The following UGT3A1 variants were observed in gnomAD, a reference collection of about 807,000 sequenced individuals.
The protein encoded by UGT3A1 is UDP glycosyltransferase family 3 member A1, also known as UDP-glycosyltransferase 3A1.
In UGT3A1, 40 loss-of-function variants were observed where a neutral mutation model predicts 37.6. The observed-to-expected ratio is 1.06, with a 90% CI of 0.83 to 1.38. The LOEUF is 1.38. UGT3A1 is among the 40% of genes most tolerant of loss of function. The pLI, the probability that UGT3A1 is intolerant of heterozygous loss-of-function variation, is 0.00. For synonymous variants in UGT3A1, 256 were observed against 232.3 expected, an observed-to-expected ratio of 1.10 and a Z score of -0.93; for missense variants, 642 against 634.2, an observed-to-expected ratio of 1.01 and a Z score of -0.13.
intron 2 of UGT3A1, among the ~76,000 whole-genome samples, chr5:35,970,073 G>A (rs781283529): frequency 6.6e-6 from 1 of 152,114 alleles, no homozygotes; most frequent in Non-Finnish European, 1.5e-5. Flanking sequence ...GAGAGCTTGT[G>A]CAGGGAAACT....
intron 3 of UGT3A1, among the ~76,000 whole-genome samples, chr5:35,966,803 C>G (rs1739825978): frequency 6.6e-6 from 1 of 152,084 alleles, no homozygotes; most frequent in Non-Finnish European, 1.5e-5. Context: ...ACCCAGACAC[C>G]ATCATATCAT....
At chr5:35,970,487 C>T (rs566263338) in intron 2 of UGT3A1, among the ~76,000 whole-genome samples, 1 of 151,986 alleles carries the variant, frequency 6.6e-6, no homozygotes, top group Non-Finnish European at 1.5e-5. Flanking sequence ...TACCTCCCAC[C>T]AGGTCCATCC....
At position 35,955,732 on chromosome 5, in the gene UGT3A1, G is replaced by T; in HGVS notation, c.1208C>A (p.Ala403Asp). ...DQHGNMVRVV[A>D]KNYGVSIRLN... ...CCGGATAGAGACACCATAATTTTTG[G>T]CTACTACTCGGACCATGTTTCCATG... The change falls in exon 6 of 7, where the codon GCC becomes GAC. Residue 403 changes from alanine to aspartate, a missense_variant. By Grantham distance (126) the Ala-to-Asp change is moderately radical (BLOSUM62 -2). Transcript: ENST00000274278. The T allele has an allele frequency of 6.2e-7, 1 of 1,614,114 alleles. No homozygotes were observed. The highest frequency in any genetic ancestry group is 8.5e-7 in the Non-Finnish European group (1 of 1,180,024).
intron 3 of UGT3A1, among the ~76,000 whole-genome samples, chr5:35,967,112 T>TG (rs1376209550): frequency 6.6e-6 from 1 of 152,164 alleles, no homozygotes; most frequent in Non-Finnish European, 1.5e-5. Context: ...AACATGTATC[T>TG]GGAACCTGTC....
rs530958378 is a variant in UGT3A1, at chr5:35,951,310, C to A, written c.*2892G>T. The A allele has an allele frequency of 8.5e-5, 13 of 152,148 alleles. No individual in the cohort carries two copies. The highest frequency in any genetic ancestry group is 1.9e-4 in the Non-Finnish European group (13 of 68,006). The allele number at this position is 152,148 out of a possible 1,614,324, so 9.4% of individuals were successfully genotyped here. On this transcript the variant is annotated 3_prime_UTR_variant, in exon 7 of 7. Coordinates refer to ENST00000274278, the MANE Select transcript of UGT3A1 (RefSeq NM_152404.4). ...CCACCCTCATAGATAATCTATCACA[C>A]TCTGGTTTATTCCCTCTGCACTGTT...
In UGT3A1 at chr5:35,955,789, G is replaced by A. The variant is rs1250226923; in HGVS notation, c.1151C>T (p.Pro384Leu). The change falls in exon 6 of 7, where the codon CCC (proline) becomes CTC (leucine). Residue 384 changes from proline to leucine, a missense_variant. Coordinates refer to ENST00000274278, the MANE Select transcript of UGT3A1 (RefSeq NM_152404.4). The stretch of plus-strand genomic sequence containing the variant: ...TCCATTGACTGGTAATCCCACCATG[G>A]GCACACCATGACGGATGGCCTCCAT... ...SVMEAIRHGV[P>L]MVGLPVNGDQ... is the part of the protein sequence containing the mutation. The A allele has an allele frequency of 6.2e-7, 1 of 1,614,154 alleles. No individual in the cohort carries two copies. The highest frequency in any genetic ancestry group is 8.5e-7 in the Non-Finnish European group (1 of 1,180,038).
At chr5:35,957,770 T>C (rs1739415931) in intron 4 of UGT3A1, among the ~76,000 whole-genome samples, 1 of 152,170 alleles carries the variant, frequency 6.6e-6, no homozygotes, top group African/African-American at 2.4e-5. Flanking sequence ...TGAATTGAGA[T>C]TTATATTGTA....
chr5:35,999,040 C>T (rs1391243997), intron 1 of UGT3A1, among the ~76,000 whole-genome samples: 2 of 151,846 alleles, frequency 1.3e-5, no homozygotes, highest in Non-Finnish European at 2.9e-5. Context: ...ATTGAGACCA[C>T]CCCGGCTAAC....
chr5:35,978,774 C>G (rs1168626955), intron 2 of UGT3A1, among the ~76,000 whole-genome samples: 1 of 152,142 alleles, frequency 6.6e-6, no homozygotes, highest in East Asian at 1.9e-4. Flanking sequence ...CTCATTTCAG[C>G]ATTAACTCAA....
At chr5:35,988,697 T>G in intron 1 of UGT3A1, 146 bp from the exon 2 acceptor site, 5 of 604,692 alleles carry the variant, frequency 8.3e-6, no homozygotes, top group Non-Finnish European at 5.8e-6. Flanking sequence ...GATAAGCGCT[T>G]CCTGTTCCTC....
At chr5:35,965,340 A>C in intron 4 of UGT3A1, 46 bp downstream of exon 4, 1 of 1,588,724 alleles carries the variant, frequency 6.3e-7, no homozygotes, top group South Asian at 1.2e-5. Flanking sequence ...CTATGCACCC[A>C]AGGACTCTAT....
At chr5:35,964,321 A>T (rs1007967598) in intron 4 of UGT3A1, among the ~76,000 whole-genome samples, 9 of 152,048 alleles carry the variant, frequency 5.9e-5, no homozygotes, top group Non-Finnish European at 1.0e-4. Flanking sequence ...TGAATCTTCT[A>T]CTACACTAAT....
chr5:35,983,125 T>C (rs929126575), intron 2 of UGT3A1, among the ~76,000 whole-genome samples: 16 of 151,684 alleles, frequency 1.1e-4, no homozygotes, highest in African/African-American at 3.6e-4. Context: ...GGCAGTTCTA[T>C]ATAGTAATGT....
intron 2 of UGT3A1, among the ~76,000 whole-genome samples, chr5:35,985,324 A>G (rs1740689075): frequency 6.6e-6 from 1 of 152,092 alleles, no homozygotes; most frequent in African/African-American, 2.4e-5. Context: ...TTATCAAAAT[A>G]TCAATGACAT....
intron 2 of UGT3A1, among the ~76,000 whole-genome samples, chr5:35,968,938 A>G (rs1739926390): frequency 6.6e-6 from 1 of 152,232 alleles, no homozygotes; most frequent in African/African-American, 2.4e-5. Context: ...TCTTTTCAGT[A>G]GCCCTGGATC....
intron 1 of UGT3A1, among the ~76,000 whole-genome samples, chr5:35,999,043 C>T (rs979519241): frequency 4.0e-5 from 6 of 151,892 alleles, no homozygotes; most frequent in East Asian, 1.9e-4. Context: ...GAGACCACCC[C>T]GGCTAACATG....
In UGT3A1 at chr5:35,954,058, A is replaced by T; in HGVS notation, c.*144T>A. 1.1e-6 allele frequency: 1 copy of T among 883,864 alleles called. No individual in the cohort carries two copies. Among genetic ancestry groups the T allele is most frequent in the Non-Finnish European group, 1.7e-6 (1 of 584,802 alleles). The allele number at this position is 883,864 out of a possible 1,614,324, so 54.8% of individuals were successfully genotyped here. On this transcript the variant is annotated 3_prime_UTR_variant, in exon 7 of 7. Transcript: ENST00000274278. The stretch of plus-strand genomic sequence containing the variant: ...CAGTGGTGCGTGAAGATTTCTAAAC[A>T]GAGGCAGAGAATAGAAAGAAGCAAG...
At position 35,955,884 on chromosome 5, in the gene UGT3A1, G is replaced by C. The variant is rs749212852; in HGVS notation, c.1076-20C>G. The C allele has an allele frequency of 1.9e-6, 3 of 1,611,702 alleles. No individual in the cohort carries two copies. In the African/African-American group the frequency reaches 4.0e-5, roughly 21 times the overall value. On this transcript the variant is annotated intron_variant, in intron 5 of 6. Coordinates refer to ENST00000274278, the MANE Select transcript of UGT3A1 (RefSeq NM_152404.4). ...GGTGAGCTGTGGCAAATAAGAAAGA[G>C]AGTGGAACACTTCAGGATGAAAAAT... is the stretch of plus-strand genomic sequence containing the variant.
intron 5 of UGT3A1, 56 bp from the exon 6 acceptor site, chr5:35,955,920 C>T (rs1739338528): frequency 4.5e-6 from 7 of 1,561,820 alleles, no homozygotes; most frequent in Non-Finnish European, 6.2e-6. Context: ...TTTGGAATAC[C>T]AGGTAAAGCA....
Sources: allele counts gnomAD v4.1 joint callset (sites outside exome capture counted in the v4.1 genomes callset), GRCh38; gene constraint gnomAD v4.1.1; transcripts MANE v1.5; gene names NCBI Gene and HGNC (gene_info 2026-07-23, HGNC 2026-07-21).